The following MIA3 variants were observed in gnomAD, a reference collection of about 807,000 sequenced individuals.
The protein encoded by MIA3 is MIA SH3 domain ER export factor 3.
In MIA3, 90 loss-of-function variants were observed where a neutral mutation model predicts 192.4. That is an observed-to-expected ratio of 0.47 (90% CI 0.39 to 0.56). MIA3 has a LOEUF of 0.56. Ranked by LOEUF, MIA3 falls within the 20% of genes least tolerant of loss-of-function variation. The pLI, the probability that MIA3 is intolerant of heterozygous loss-of-function variation, is 0.00. For synonymous variants in MIA3, 740 were observed against 792.8 expected (o/e 0.93, Z 1.12); for missense variants, 2,123 against 2,269.4 (o/e 0.94, Z 1.31).
intron 8 of MIA3, among the ~76,000 whole-genome samples, chr1:222,649,989 A>G (rs948586985): frequency 6.6e-6 from 1 of 152,126 alleles, no homozygotes; most frequent in Non-Finnish European, 1.5e-5. Context: ...CAGATTCCAC[A>G]AGAACTCAGT....
chr1:222,659,182 GATATTA>G (rs1663881969), intron 19 of MIA3: 1 of 468,778 alleles, frequency 2.1e-6, no homozygotes, highest in East Asian at 3.7e-5. Flanking sequence ...TATAGTGGAA[GATATTA>G]ATAATAGGAT....
At chr1:222,627,453 G>T (rs1662169726) in intron 3 of MIA3, 122 bp from the exon 4 acceptor site, 1 of 818,154 alleles carries the variant, frequency 1.2e-6, no homozygotes, top group Non-Finnish European at 1.9e-6. Flanking sequence ...GCCCAGTGTT[G>T]ACGCAAAAGC....
chr1:222,619,392 A>G (rs2102707537), intron 1 of MIA3, among the ~76,000 whole-genome samples: 1 of 152,356 alleles, frequency 6.6e-6, no homozygotes, highest in South Asian at 2.1e-4. Flanking sequence ...TCTATGGTTT[A>G]GCTATTTATA....
rs1571888554 is a variant in MIA3, at chr1:222,645,567, T to G, written c.3491T>G (p.Leu1164Trp). ...FYLTKSLVAT[L>W]PDDVQPGPDF... Reference sequence around the variant, plus strand: ...TCTAACATTCAGCTAGTTGCTACATTGCCTGATGATGTTCAGCCTGGGCCT... The same window carrying G: ...TCTAACATTCAGCTAGTTGCTACATGGCCTGATGATGTTCAGCCTGGGCCT... The change falls in exon 7 of 28, where the codon TTG becomes TGG. Residue 1164 changes from leucine (L) to tryptophan (W), a missense_variant. Coordinates refer to ENST00000344922, the MANE Select transcript of MIA3 (RefSeq NM_198551.4). The G allele has an allele frequency of 6.2e-7, 1 of 1,610,946 alleles. No homozygotes were observed. The highest frequency in any genetic ancestry group is 8.5e-7 in the Non-Finnish European group (1 of 1,178,306).
At chr1:222,641,173 A>T (rs1279581360) in intron 6 of MIA3, among the ~76,000 whole-genome samples, 1 of 152,198 alleles carries the variant, frequency 6.6e-6, no homozygotes, top group African/African-American at 2.4e-5. Context: ...TAAGAAGGTA[A>T]ACCTACACTG....
rs368900244 is a variant in MIA3, at chr1:222,662,392, T to A, written c.5262+60T>A. ...AGGAACATTTAGCTCTTCCTACAAC[T>A]CTCTCTTTGCCTCATCTCCTATTTG... On this transcript the variant is annotated intron_variant, in intron 26 of 27. Coordinates refer to ENST00000344922, the MANE Select transcript of MIA3 (RefSeq NM_198551.4). 15 of 1,587,418 alleles carry A rather than the reference T, an allele frequency of 9.4e-6. No homozygotes were observed. In the African/African-American group the frequency reaches 1.5e-4, roughly 16 times the overall value.
At chr1:222,623,529 C>A (rs1378707905) in intron 2 of MIA3, among the ~76,000 whole-genome samples, 2 of 152,084 alleles carry the variant, frequency 1.3e-5, no homozygotes, top group South Asian at 2.1e-4. Context: ...TTTCATTCTG[C>A]AGTCTTTTTT....
rs760860675 is a variant in MIA3, at chr1:222,654,249, G to T, written c.4328G>T (p.Arg1443Leu). ...AAAGCCTTTTGTTTTTTAGGTGACC[G>T]GAATGAGAAGATGAAAAATCAAATT... ...ELANGEVGGDRNEKMKNQIKQ... is the reference protein window; with the variant it reads ...ELANGEVGGDLNEKMKNQIKQ... The change falls in exon 16 of 28, where the codon CGG becomes CTG. Residue 1443 changes from arginine to leucine, a missense_variant. Around this residue, in one of 3 missense-constraint regions of MIA3, gnomAD observed 762 missense variants for 856.4 expected, o/e 0.89. Transcript: ENST00000344922. 2 of 1,613,666 alleles carry T rather than the reference G, an allele frequency of 1.2e-6. No individual in the cohort carries two copies. The highest frequency in any genetic ancestry group is 1.7e-6 in the Non-Finnish European group (2 of 1,179,838).
At position 222,645,917 on chromosome 1, in the gene MIA3, T is replaced by C; in HGVS notation, c.3609+232T>C. 3 of 373,096 alleles carry C rather than the reference T, an allele frequency of 8.0e-6. No individual in the cohort carries two copies. The South Asian group carries it at 9.2e-5, about 11-fold the overall frequency. 23.1% of individuals were successfully genotyped at this position (373,096 alleles called of 1,614,324 possible). On this transcript the variant is annotated intron_variant, in intron 7 of 27. Transcript: ENST00000344922. ...AGTTTATATGTCTCATATCAAAGTC[T>C]AAATTTTAAGAATTAGGTGGGTCTG... is the stretch of plus-strand genomic sequence containing the variant.
intron 3 of MIA3, among the ~76,000 whole-genome samples, chr1:222,625,229 T>A (rs918136500): frequency 1.3e-5 from 2 of 152,160 alleles, no homozygotes; most frequent in Admixed American, 1.3e-4. Context: ...ATGGTCTCGA[T>A]CTCCTGACCT....
intron 8 of MIA3, chr1:222,649,800 TAAG>T (rs1188819679): frequency 1.2e-5 from 2 of 160,392 alleles, no homozygotes; most frequent in African/African-American, 4.8e-5. Flanking sequence ...GGGTAATTTA[TAAG>T]AAGTTTAATT....
chr1:222,641,186 C>T (rs1458044597), intron 6 of MIA3, among the ~76,000 whole-genome samples: 7 of 152,204 alleles, frequency 4.6e-5, no homozygotes, highest in African/African-American at 7.2e-5. Context: ...CTACACTGGT[C>T]ATATGATCCA....
chr1:222,664,376 A>G (rs931563914), intron 27 of MIA3, among the ~76,000 whole-genome samples: 2 of 152,252 alleles, frequency 1.3e-5, no homozygotes, highest in African/African-American at 4.8e-5. Flanking sequence ...GGGGCTATTT[A>G]TAAAAAGCCA....
At position 222,629,227 on chromosome 1, in the gene MIA3, G is replaced by A; in HGVS notation, c.2007G>A (p.Lys669=). 6.2e-7 allele frequency: 1 copy of A among 1,614,244 alleles called. No individual in the cohort carries two copies. The highest frequency in any genetic ancestry group is 8.5e-7 in the Non-Finnish European group (1 of 1,180,044). ...GAGATGTGGCTGCCACAGCCAGTAA[G>A]CAAATGAGTGAGAAGATAAGGCTCT... ...QERDVAATAS[K]QMSEKIRLSE... is the part of the protein sequence containing the mutation. The change falls in exon 4 of 28, where the codon AAG becomes AAA. Residue 669 remains lysine, a synonymous_variant. Coordinates refer to ENST00000344922, the MANE Select transcript of MIA3 (RefSeq NM_198551.4).
chr1:222,661,701 C>A (rs971995509), intron 24 of MIA3, among the ~76,000 whole-genome samples: 1 of 152,122 alleles, frequency 6.6e-6, no homozygotes, highest in Non-Finnish European at 1.5e-5. Flanking sequence ...GTATGAAACG[C>A]TGTTGAGTCT....
Position 222,659,869 on chromosome 1 carries a change from T to C in MIA3, c.4875-37T>C, listed in dbSNP as rs747743463. On this transcript the variant is annotated intron_variant, in intron 22 of 27. Transcript: ENST00000344922. The stretch of plus-strand genomic sequence containing the variant: ...TAAGGAATTGGTTTCTATTTCATAT[T>C]TAACTCTTTCTTAAATATTCTTTCT... The C allele has an allele frequency of 1.7e-5, 28 of 1,602,952 alleles. No homozygotes were observed. The South Asian group carries it at 2.1e-4, about 12-fold the overall frequency.
chr1:222,653,660 TA>T (rs1336306280), intron 15 of MIA3, among the ~76,000 whole-genome samples: 2 of 152,212 alleles, frequency 1.3e-5, no homozygotes, highest in African/African-American at 2.4e-5. Flanking sequence ...GATAACATTT[TA>T]AAACTTGTCA....
At chr1:222,630,471 C>A in intron 4 of MIA3, 82 bp downstream of exon 4, 1 of 1,414,142 alleles carries the variant, frequency 7.1e-7, no homozygotes, top group Non-Finnish European at 9.6e-7. Flanking sequence ...TTGTGAAGCT[C>A]TGTTCAGTTT....
At chr1:222,652,101 T>G in intron 12 of MIA3, 53 bp downstream of exon 12, 1 of 1,347,664 alleles carries the variant, frequency 7.4e-7, no homozygotes, top group South Asian at 1.2e-5. Flanking sequence ...ATAGTTTGAT[T>G]GCAGAGCAAA....
Sources: gnomAD v4.1 joint callset for allele counts (sites outside exome capture counted in the v4.1 genomes callset) on GRCh38, gnomAD v4.1.1 for gene constraint, gnomAD v4.1.1 regional missense constraint, MANE v1.5 for transcripts, NCBI Gene and HGNC (gene_info 2026-07-23, HGNC 2026-07-21) for gene names.